STX12: variants seen among roughly 807,000 people sequenced by gnomAD.
The protein encoded by STX12 is syntaxin-12.
STX12 carries 17 observed loss-of-function variants against 42.2 expected under a neutral mutation model. That is an observed-to-expected ratio of 0.40 (90% CI 0.28 to 0.60). STX12 has a LOEUF of 0.60. Ranked by LOEUF, STX12 falls within the 20% of genes least tolerant of loss-of-function variation. The pLI, the probability that STX12 is intolerant of heterozygous loss-of-function variation, is 0.39. For synonymous variants in STX12, 108 were observed against 116.7 expected (o/e 0.93, Z 0.48); for missense variants, 297 against 330.9 (o/e 0.90, Z 0.79).
At chr1:27,787,062 T>C (rs2088703668) in intron 1 of STX12, among the ~76,000 whole-genome samples, 1 of 152,212 alleles carries the variant, frequency 6.6e-6, no homozygotes, top group Non-Finnish European at 1.5e-5. Context: ...TAGAGAAGTC[T>C]TGTCAAAAGG....
Position 27,779,421 on chromosome 1 carries a change from C to T in STX12, c.118+5996C>T, listed in dbSNP as rs1179915549. Among the ~76,000 whole-genome samples, 5 of 151,800 alleles carry T rather than the reference C, an allele frequency of 3.3e-5. No homozygotes were observed. In the East Asian group the frequency reaches 9.6e-4, roughly 29 times the overall value. ...CAATCTTGGCTCACTGTAACATCCA[C>T]CTCCTGGGTTCAAGCAGTTCTCCTG... is the stretch of plus-strand genomic sequence containing the variant. On this transcript the variant is annotated intron_variant, in intron 1 of 8. Coordinates refer to ENST00000373943, the MANE Select transcript of STX12 (RefSeq NM_177424.3).
intron 3 of STX12, among the ~76,000 whole-genome samples, chr1:27,799,409 A>T (rs1263028868): frequency 6.6e-6 from 1 of 150,736 alleles, no homozygotes; most frequent in Non-Finnish European, 1.5e-5. Flanking sequence ...TGTACCCATG[A>T]TGTTTCTTGC....
rs1557800235 is a variant in STX12 at position 27,790,013 on chromosome 1, A to G, written c.188+382A>G. On this transcript the variant is annotated intron_variant, in intron 2 of 8. Coordinates refer to ENST00000373943, the MANE Select transcript of STX12 (RefSeq NM_177424.3). ...GATTTCCAGCTACAGTCAGCCTTCC[A>G]TATCCATAGGTTCTGCACCTGTGGG... Among the ~76,000 whole-genome samples the G allele has an allele frequency of 3.3e-5, 5 of 152,172 alleles. No individual in the cohort carries two copies. The South Asian group carries it at 6.2e-4, about 19-fold the overall frequency.
chr1:27,780,021 C>G (rs1408294149), intron 1 of STX12, among the ~76,000 whole-genome samples: 1 of 151,796 alleles, frequency 6.6e-6, no homozygotes, highest in African/African-American at 2.4e-5. Flanking sequence ...GAACTCCTGA[C>G]CTCAGGTGAT....
chr1:27,794,144 C>T (rs1369980819), intron 3 of STX12, among the ~76,000 whole-genome samples: 2 of 152,124 alleles, frequency 1.3e-5, no homozygotes, highest in Non-Finnish European at 2.9e-5. Flanking sequence ...CTCCCCTCAG[C>T]CTCCTGAGTA....
At chr1:27,779,652 C>G (rs949064066) in intron 1 of STX12, among the ~76,000 whole-genome samples, 5 of 151,910 alleles carry the variant, frequency 3.3e-5, no homozygotes, top group Admixed American at 1.3e-4. Context: ...CTTAATATTT[C>G]ACCTTGCTTT....
At chr1:27,814,110 A>G (rs779464677) in intron 6 of STX12, among the ~76,000 whole-genome samples, 2 of 152,236 alleles carry the variant, frequency 1.3e-5, no homozygotes, top group Non-Finnish European at 2.9e-5. Flanking sequence ...CATTTTGGCC[A>G]GGCTGGTCTT....
intron 6 of STX12, among the ~76,000 whole-genome samples, chr1:27,813,963 C>T (rs1017019294): frequency 9.2e-5 from 14 of 152,040 alleles, no homozygotes; most frequent in Non-Finnish European, 1.6e-4. Context: ...TGCAGTGGCG[C>T]GTTCTTGGCT....
intron 1 of STX12, 82 bp from the exon 2 acceptor site, chr1:27,789,480 G>A: frequency 9.8e-7 from 1 of 1,023,162 alleles, no homozygotes; most frequent in Non-Finnish European, 1.4e-6. Context: ...TGAATGGGAA[G>A]AGACCAGGAA....
Position 27,817,901 on chromosome 1 carries a change from C to G in STX12, c.627C>G (p.Ile209Met). 6.2e-7 allele frequency: 1 copy of G among 1,613,908 alleles called. No individual in the cohort carries two copies. Among genetic ancestry groups the G allele is most frequent in the Non-Finnish European group, 8.5e-7 (1 of 1,179,918 alleles). Residue 209 changes from isoleucine (I) to methionine (M), a missense_variant, in exon 7 of 9, where the codon ATC becomes ATG. By Grantham distance (10) the Ile-to-Met change is conservative. Transcript: ENST00000373943. Reference sequence around the variant, plus strand: ...TATTTAAAGATTTGGCCATGATGATCCATGACCAGGGTGATCTGATTGGTA... The same window carrying G: ...TATTTAAAGATTTGGCCATGATGATGCATGACCAGGGTGATCTGATTGGTA... ...NQIFKDLAMM[I>M]HDQGDLIDSI...
At position 27,791,456 on chromosome 1, in the gene STX12, C is replaced by T. The variant is rs115420774; in HGVS notation, c.188+1825C>T. 6.3e-3 allele frequency among the ~76,000 whole-genome samples: 965 copies of T among 152,238 alleles called. 8 individuals are homozygous for T. The highest frequency in any genetic ancestry group is 0.022 in the African/African-American group (929 of 41,536). On this transcript the variant is annotated intron_variant, in intron 2 of 8. Transcript: ENST00000373943. ...AATAGTAGACTGATAGTAGGGACTC[C>T]TGATTCTTTTTATCACATCCTTTTC...
intron 5 of STX12, among the ~76,000 whole-genome samples, chr1:27,811,276 C>G (rs1023157961): frequency 7.4e-6 from 1 of 135,802 alleles, no homozygotes; most frequent in African/African-American, 2.8e-5. Flanking sequence ...CCACTTCACT[C>G]CGGCCTGGAT....
At chr1:27,798,147 G>A (rs985844787) in intron 3 of STX12, among the ~76,000 whole-genome samples, 1 of 151,842 alleles carries the variant, frequency 6.6e-6, no homozygotes, top group Non-Finnish European at 1.5e-5. Flanking sequence ...ATTACATTGG[G>A]GCTTACTTTA....
intron 6 of STX12, among the ~76,000 whole-genome samples, chr1:27,816,092 G>A (rs970716518): frequency 6.6e-6 from 1 of 151,926 alleles, no homozygotes. Context: ...AAAGTGGGTG[G>A]ATCACCTGAG....
Position 27,773,378 on chromosome 1 carries a change from G to C in STX12, c.71G>C (p.Ser24Thr). The change falls in exon 1 of 9, where the codon AGC (serine) becomes ACC (threonine). Residue 24 changes from serine to threonine, a missense_variant. Coordinates refer to ENST00000373943, the MANE Select transcript of STX12 (RefSeq NM_177424.3). ...GGGCCCCAGCTCCGGGACTTCAGCA[G>C]CATCATCCAGACGTGCAGCGGCAAC... is the stretch of plus-strand genomic sequence containing the variant. ...PSGPQLRDFSSIIQTCSGNIQ... is the reference protein window; with the variant it reads ...PSGPQLRDFSTIIQTCSGNIQ... 1 of 1,613,828 alleles carries C rather than the reference G, an allele frequency of 6.2e-7. No homozygotes were observed. Among genetic ancestry groups the C allele is most frequent in the Non-Finnish European group, 8.5e-7 (1 of 1,179,800 alleles).
chr1:27,795,469 C>G (rs1038347046), intron 3 of STX12, among the ~76,000 whole-genome samples: 4 of 151,968 alleles, frequency 2.6e-5, no homozygotes, highest in African/African-American at 9.7e-5. Context: ...CCACGCTCGG[C>G]TAATTTTTGT....
At chr1:27,819,837 C>G (rs917866730) in intron 8 of STX12, 105 bp downstream of exon 8, 2 of 937,460 alleles carry the variant, frequency 2.1e-6, no homozygotes, top group African/African-American at 3.3e-5. Context: ...TAGGTTTAAG[C>G]TAAAGGAAAG....
In STX12 at chr1:27,794,659, T is replaced by C. The variant is rs568530038; in HGVS notation, c.288+1027T>C. On this transcript the variant is annotated intron_variant, in intron 3 of 8. Transcript: ENST00000373943. ...AAAACTTTCTCCGTCTACCTTCCTATTATGATCCTGTTTTGCTTTTAGCTT... is the reference window on the plus strand; with the variant it reads ...AAAACTTTCTCCGTCTACCTTCCTACTATGATCCTGTTTTGCTTTTAGCTT... 8.1e-4 allele frequency among the ~76,000 whole-genome samples: 123 copies of C among 152,346 alleles called. 1 individual carries two copies. The highest frequency in any genetic ancestry group is 1.6e-3 in the Admixed American group (25 of 15,296).
intron 6 of STX12, among the ~76,000 whole-genome samples, chr1:27,813,825 T>C (rs1206621867): frequency 6.6e-6 from 1 of 152,210 alleles, no homozygotes; most frequent in Non-Finnish European, 1.5e-5. Flanking sequence ...TTTTAAAAAG[T>C]TCCCCCAGGT....
Sources: allele counts gnomAD v4.1 joint callset (sites outside exome capture counted in the v4.1 genomes callset), GRCh38; gene constraint gnomAD v4.1.1; transcripts MANE v1.5; gene names NCBI Gene and HGNC (gene_info 2026-07-23, HGNC 2026-07-21).